The following TRERF1 variants were observed in gnomAD, a reference collection of about 807,000 sequenced individuals.
TRERF1 encodes transcriptional regulating factor 1, also known as transcriptional-regulating factor 1.
Under a neutral mutation model 122.9 loss-of-function variants are expected in TRERF1, and 27 were observed. The observed-to-expected ratio is 0.22, with a 90% CI of 0.16 to 0.30. The LOEUF (loss-of-function observed/expected upper bound fraction) is 0.30. TRERF1 is among the 10% of genes least tolerant of loss of function. TRERF1 has a pLI of 1.00. For synonymous variants in TRERF1, 636 were observed against 641.7 expected (o/e 0.99, Z 0.13); for missense variants, 1,248 against 1,560.3 (o/e 0.80, Z 3.37).
intron 3 of TRERF1, among the ~76,000 whole-genome samples, chr6:42,301,640 C>T (rs1210340143): frequency 6.6e-6 from 1 of 152,224 alleles, no homozygotes; most frequent in Non-Finnish European, 1.5e-5. Context: ...ATACAAAGTG[C>T]AAGCTCACTT....
At chr6:42,359,687 A>G (rs1177027516) in intron 3 of TRERF1, among the ~76,000 whole-genome samples, 1 of 152,116 alleles carries the variant, frequency 6.6e-6, no homozygotes, top group African/African-American at 2.4e-5. Context: ...TCGCACCACA[A>G]CACTCTAGCC....
chr6:42,292,117 A>G (rs1784415331), intron 4 of TRERF1, among the ~76,000 whole-genome samples: 1 of 152,200 alleles, frequency 6.6e-6, no homozygotes, highest in Non-Finnish European at 1.5e-5. Flanking sequence ...AAGGTACAGG[A>G]CACATGTGCT....
At chr6:42,353,545 G>A (rs1215477618) in intron 3 of TRERF1, among the ~76,000 whole-genome samples, 7 of 151,864 alleles carry the variant, frequency 4.6e-5, no homozygotes, top group African/African-American at 1.5e-4. Flanking sequence ...CCAATATCGC[G>A]CCATTGCACT....
rs115235215 is a variant in TRERF1, at chr6:42,259,079, G to A, written c.2269+260C>T. On this transcript the variant is annotated intron_variant, in intron 9 of 17. Coordinates refer to ENST00000372922, the Ensembl canonical transcript of TRERF1. The surrounding 1 kb of genome is among the most constrained non-coding windows in gnomAD (Gnocchi z 4.9). Reference sequence around the variant, plus strand: ...CGATCATTGCTGGCAGCCTTAAAAAGTGGGTGAACATTTCAACTGTTTCCT... The same window carrying A: ...CGATCATTGCTGGCAGCCTTAAAAAATGGGTGAACATTTCAACTGTTTCCT... Among the ~76,000 whole-genome samples, 370 of 152,210 alleles carry A rather than the reference G, an allele frequency of 2.4e-3. No individual in the cohort carries two copies. The highest frequency in any genetic ancestry group is 8.5e-3 in the African/African-American group (355 of 41,528).
At chr6:42,280,312 G>T (rs370641416) in intron 4 of TRERF1, among the ~76,000 whole-genome samples, 150 of 152,292 alleles carry the variant, frequency 9.8e-4, no homozygotes, top group African/African-American at 2.5e-3. Flanking sequence ...TTCCTGAGTC[G>T]CTCCCTCCTC....
chr6:42,423,884 GCCC>G (rs1783214747), intron 2 of TRERF1, among the ~76,000 whole-genome samples: 1 of 152,084 alleles, frequency 6.6e-6, no homozygotes, highest in African/African-American at 2.4e-5. Context: ...TCGAAAACCT[GCCC>G]CCCAACATTT....
chr6:42,391,441 C>G (rs1777719870), intron 2 of TRERF1, among the ~76,000 whole-genome samples: 1 of 150,504 alleles, frequency 6.6e-6, no homozygotes, highest in Non-Finnish European at 1.5e-5. Context: ...TATTTCCCAG[C>G]CGGGGGGAAC....
chr6:42,385,714 C>A (rs1776689602), intron 2 of TRERF1, among the ~76,000 whole-genome samples: 1 of 152,174 alleles, frequency 6.6e-6, no homozygotes, highest in South Asian at 2.1e-4. Context: ...AAACCTACCC[C>A]ACCACCACTG....
chr6:42,346,564 T>C (rs1321385231), intron 3 of TRERF1, among the ~76,000 whole-genome samples: 1 of 152,068 alleles, frequency 6.6e-6, no homozygotes, highest in African/African-American at 2.4e-5. Context: ...AAGGCTCAGG[T>C]AGAAGCAGTG....
intron 2 of TRERF1, among the ~76,000 whole-genome samples, chr6:42,383,361 C>T (rs1776275256): frequency 6.6e-6 from 1 of 152,194 alleles, no homozygotes; most frequent in African/African-American, 2.4e-5. Flanking sequence ...GTGTCACTAT[C>T]ATGCCTCTTT....
intron 2 of TRERF1, among the ~76,000 whole-genome samples, chr6:42,385,725 C>T (rs189133692): frequency 1.3e-5 from 2 of 152,324 alleles, no homozygotes; most frequent in East Asian, 1.9e-4. Context: ...ACCACCACTG[C>T]CACTTCATCA....
chr6:42,389,810 T>C (rs1211382314), intron 2 of TRERF1, among the ~76,000 whole-genome samples: 1 of 152,232 alleles, frequency 6.6e-6, no homozygotes, highest in Non-Finnish European at 1.5e-5. Context: ...CTGAGTTAAG[T>C]GAGCTAAAAT....
At chr6:42,307,765 C>A (rs1167529159) in intron 3 of TRERF1, among the ~76,000 whole-genome samples, 1 of 152,190 alleles carries the variant, frequency 6.6e-6, no homozygotes, top group Non-Finnish European at 1.5e-5. Flanking sequence ...GATGGGCTTC[C>A]CCAGCCCAAC....
intron 3 of TRERF1, among the ~76,000 whole-genome samples, chr6:42,354,717 T>C (rs1038546623): frequency 6.6e-6 from 1 of 152,192 alleles, no homozygotes; most frequent in African/African-American, 2.4e-5. Context: ...ACTTCCTCCT[T>C]TTATGACAGC....
At position 42,263,355 on chromosome 6, in the gene TRERF1, C is replaced by T; in HGVS notation, c.1849G>A (p.Ala617Thr). The change falls in exon 8 of 18, where the codon GCC becomes ACC. Residue 617 changes from alanine to threonine, a missense_variant. Ala to Thr is a moderately conservative substitution (Grantham distance 58). Around this residue, in one of 5 missense-constraint regions of TRERF1, gnomAD observed 946 missense variants for 1,073.0 expected, o/e 0.88. Transcript: ENST00000372922. This position sits in a 1 kb window ranked among gnomAD's most constrained non-coding sequence, Gnocchi z 5.6. Reference sequence around the variant, plus strand: ...ATCTCGTCGTCCGACATCGAGCTGGCTGGCTTGTCTCTGGCGGAGGGGGCG... The same window carrying T: ...ATCTCGTCGTCCGACATCGAGCTGGTTGGCTTGTCTCTGGCGGAGGGGGCG... 1 of 1,613,034 alleles carries T rather than the reference C, an allele frequency of 6.2e-7. No homozygotes were observed. Among genetic ancestry groups the T allele is most frequent in the Non-Finnish European group, 8.5e-7 (1 of 1,179,602 alleles).
chr6:42,311,909 G>A (rs1355709323), intron 3 of TRERF1, among the ~76,000 whole-genome samples: 1 of 152,008 alleles, frequency 6.6e-6, no homozygotes, highest in Non-Finnish European at 1.5e-5. Context: ...AGTAAGAGAG[G>A]GTGCTGGCTT....
At chr6:42,293,103 C>A (rs936535748) in intron 4 of TRERF1, among the ~76,000 whole-genome samples, 2 of 152,216 alleles carry the variant, frequency 1.3e-5, no homozygotes, top group Non-Finnish European at 2.9e-5. Flanking sequence ...GCCACCTGAT[C>A]TGATGGGCAC....
At position 42,401,569 on chromosome 6, in the gene TRERF1, C is replaced by T. The variant is rs1055266948; in HGVS notation, c.-453-38490G>A. ...CAGACATGCACAAAAAGATTTTATC[C>T]GCCCCACCAGATTTCAAACTCCATG... On this transcript the variant is annotated intron_variant, in intron 2 of 17. Transcript: ENST00000372922. Among the ~76,000 whole-genome samples the T allele has an allele frequency of 4.6e-5, 7 of 152,212 alleles. No homozygotes were observed. The East Asian group carries it at 7.7e-4, about 17-fold the overall frequency.
At chr6:42,430,025 G>A (rs927642037) in intron 2 of TRERF1, among the ~76,000 whole-genome samples, 3 of 151,818 alleles carry the variant, frequency 2.0e-5, no homozygotes, top group Middle Eastern at 3.2e-3. Context: ...CAGAGAGGAC[G>A]GCTGTGCAAA....
Sources: gnomAD v4.1 joint callset for allele counts (sites outside exome capture counted in the v4.1 genomes callset) on GRCh38, gnomAD v4.1.1 for gene constraint, gnomAD v4.1.1 regional missense constraint, Gnocchi (gnomAD v3.1) non-coding constraint, MANE v1.5 for transcripts, NCBI Gene and HGNC (gene_info 2026-07-23, HGNC 2026-07-21) for gene names.